The following ENG variants were observed in gnomAD, a reference collection of about 807,000 sequenced individuals.
The protein encoded by ENG is CD105 antigen.
ENG carries 17 observed loss-of-function variants against 71.0 expected under a neutral mutation model. The ratio of observed to expected loss-of-function variants is 0.24; its 90% CI spans 0.16 to 0.36. The LOEUF (loss-of-function observed/expected upper bound fraction) is 0.36. Ranked by LOEUF, ENG falls within the 10% of genes least tolerant of loss-of-function variation. The probability of loss-of-function intolerance (pLI) is 1.00; values close to 1 mark genes in which losing one functional copy is unlikely to be tolerated. For synonymous variants in ENG, 360 were observed against 366.9 expected, an observed-to-expected ratio of 0.98 and a Z score of 0.21; for missense variants, 749 against 868.3, an observed-to-expected ratio of 0.86 and a Z score of 1.73.
At chr9:127,822,392 A>G (rs1057495911) in intron 8 of ENG, 2 of 152,248 alleles carry the variant, frequency 1.3e-5, no homozygotes, top group African/African-American at 2.4e-5. Flanking sequence ...TGAAAATTCA[A>G]ATCATCTTTG....
chr9:127,836,134 G>A lies in ENG; in HGVS notation c.220-6307C>T, dbSNP rs532509104. ...CGCCACGGCCACTCACACGCACACC[G>A]ACTTCCCCCTTCTCTCCCGGCCGGG... is the stretch of plus-strand genomic sequence containing the variant. On this transcript the variant is annotated intron_variant, in intron 2 of 14. Transcript: ENST00000373203. This position sits in a 1 kb window ranked among gnomAD's most constrained non-coding sequence, Gnocchi z 4.0. Among the ~76,000 whole-genome samples the A allele has an allele frequency of 4.6e-5, 7 of 152,294 alleles. No homozygotes were observed. The highest frequency in any genetic ancestry group is 1.7e-4 in the African/African-American group (7 of 41,556).
In ENG at chr9:127,819,852, G is replaced by A. The variant is rs137943200; in HGVS notation, c.1272+48C>T. 89 of 1,614,000 alleles carry A rather than the reference G, an allele frequency of 5.5e-5. No homozygotes were observed. The East Asian group carries it at 1.9e-3, about 35-fold the overall frequency. The stretch of plus-strand genomic sequence containing the variant: ...GGGGGATCAGGGAGGGCACCTGAGG[G>A]GGCACCAACCAGGCTGGTCCTGATA... On this transcript the variant is annotated intron_variant, in intron 9 of 14. Coordinates refer to ENST00000373203, the MANE Select transcript of ENG (RefSeq NM_001114753.3).
At chr9:127,847,545 C>T (rs776186182) in intron 1 of ENG, among the ~76,000 whole-genome samples, 9 of 152,160 alleles carry the variant, frequency 5.9e-5, no homozygotes, top group Non-Finnish European at 1.0e-4. Context: ...ATAACCTCCC[C>T]GTCCCAGGTT....
chr9:127,824,676 GA>G, intron 7 of ENG, 123 bp downstream of exon 7: 1 of 1,222,276 alleles, frequency 8.2e-7, no homozygotes. Flanking sequence ...GTGCAGATGA[GA>G]AAAATGAGGC....
intron 13 of ENG, chr9:127,816,914 C>T (rs1830333762): frequency 1.7e-5 from 10 of 594,894 alleles, no homozygotes; most frequent in Non-Finnish European, 3.0e-5. Flanking sequence ...GGCCTAGACT[C>T]CCACCCCACA....
chr9:127,824,496 G>A (rs1351839300), intron 7 of ENG, 50 bp from the exon 8 acceptor site: 2 of 1,478,042 alleles, frequency 1.4e-6, no homozygotes, highest in Admixed American at 1.8e-5. Flanking sequence ...TGTGATCACT[G>A]TGTGCCCGCA....
chr9:127,819,780 G>C, intron 9 of ENG, 120 bp from the exon 10 acceptor site: 1 of 1,603,742 alleles, frequency 6.2e-7, no homozygotes, highest in Non-Finnish European at 8.5e-7. Flanking sequence ...AGCTTGTCTT[G>C]TGTTCTGAGC....
chr9:127,819,831 G>T, intron 9 of ENG, 69 bp downstream of exon 9: 2 of 1,612,338 alleles, frequency 1.2e-6, no homozygotes, highest in Non-Finnish European at 1.7e-6. Flanking sequence ...CACCCTGGGG[G>T]ATCAGGGAGG....
Position 127,815,716 on chromosome 9 carries a change from T to C in ENG, c.1943A>G (p.Gln648Arg). 1 of 1,562,398 alleles carries C rather than the reference T, an allele frequency of 6.4e-7. No homozygotes were observed. The highest frequency in any genetic ancestry group is 8.6e-7 in the Non-Finnish European group (1 of 1,159,568). Residue 648 changes from glutamine (Q) to arginine (R), a missense_variant, in exon 15 of 15, where the codon CAG (glutamine) becomes CGG (arginine). Coordinates refer to ENST00000373203, the MANE Select transcript of ENG (RefSeq NM_001114753.3). ...SSTNHSIGST[Q>R]STPCSTSSMA ...GCTGCTGGTGGAGCAGGGGGTGCTC[T>C]GGGTGCTCCCGATGCTGTGGTTGGT...
At position 127,820,008 on chromosome 9, in the gene ENG, G is replaced by A. The variant is rs759227587; in HGVS notation, c.1164C>T (p.Thr388=). The A allele has an allele frequency of 6.2e-7, 1 of 1,614,126 alleles. No individual in the cohort carries two copies. Among genetic ancestry groups the A allele is most frequent in the African/African-American group, 1.3e-5 (1 of 75,048 alleles). The stretch of plus-strand genomic sequence containing the variant: ...CTGCCTCACAGCTGGGGTCCCAGAA[G>A]GTCAGGCCCGTGATGGTGCACTTCA... ...AHLKCTITGL[T]FWDPSCEAED... is the part of the protein sequence containing the mutation. The change falls in exon 9 of 15, where the codon ACC becomes ACT. Residue 388 remains threonine, a synonymous_variant. Transcript: ENST00000373203.
At chr9:127,817,296 C>T (rs1044760384) in intron 12 of ENG, 93 bp from the exon 13 acceptor site, 2 of 1,347,198 alleles carry the variant, frequency 1.5e-6, no homozygotes, top group Non-Finnish European at 2.1e-6. Flanking sequence ...ACCCTAGAGC[C>T]TTGGCTTTGA....
intron 2 of ENG, among the ~76,000 whole-genome samples, chr9:127,833,746 T>G (rs1830826791): frequency 1.3e-5 from 2 of 152,120 alleles, no homozygotes; most frequent in African/African-American, 4.8e-5. Flanking sequence ...AGATTTAACT[T>G]TTAATCATCT....
chr9:127,818,564 ATGCCTTCTC>A (rs1024604850), intron 11 of ENG, 143 bp downstream of exon 11: 21 of 1,368,038 alleles, frequency 1.5e-5, no homozygotes, highest in Non-Finnish European at 2.0e-5. Context: ...TCCCTGAGCA[ATGCCTTCTC>A]TGTCTCTCCC....
intron 2 of ENG, among the ~76,000 whole-genome samples, chr9:127,833,793 A>T (rs1002363303): frequency 2.0e-5 from 3 of 152,222 alleles, no homozygotes; most frequent in African/African-American, 7.2e-5. Context: ...AGCCAGAGAC[A>T]GTGTTTCAGC....
At chr9:127,839,112 C>T (rs1002170773) in intron 2 of ENG, among the ~76,000 whole-genome samples, 1 of 152,170 alleles carries the variant, frequency 6.6e-6, no homozygotes, top group Non-Finnish European at 1.5e-5. Context: ...TTGGGCTAGA[C>T]ACCAGGGGCC....
At position 127,821,922 on chromosome 9, in the gene ENG, C is replaced by T. The variant is rs373810691; in HGVS notation, c.1135-1885G>A. On this transcript the variant is annotated intron_variant, in intron 8 of 14. Coordinates refer to ENST00000373203, the MANE Select transcript of ENG (RefSeq NM_001114753.3). ...AAAAAAAGCCAGGCGTGGTGGTGCA[C>T]GCCTGTATTCCCAACTACTCAGGAG... is the stretch of plus-strand genomic sequence containing the variant. Among the ~76,000 whole-genome samples, 1,290 of 146,912 alleles carry T rather than the reference C, an allele frequency of 8.8e-3. 7 individuals are homozygous for T. The highest frequency in any genetic ancestry group is 0.015 in the Non-Finnish European group (985 of 67,172).
chr9:127,826,722 C>T (rs1273685808), intron 3 of ENG, 50 bp from the exon 4 acceptor site: 2 of 1,608,002 alleles, frequency 1.2e-6, no homozygotes, highest in African/African-American at 1.3e-5. Context: ...CCTGTGCCCT[C>T]TCTATCCCAT....
chr9:127,845,121 T>G (rs1392111723), intron 1 of ENG, among the ~76,000 whole-genome samples: 3 of 152,194 alleles, frequency 2.0e-5, no homozygotes, highest in Admixed American at 2.0e-4. Context: ...GTTTGGAAGT[T>G]TGTGTCTCCA....
intron 9 of ENG, 32 bp downstream of exon 9, chr9:127,819,868 G>A: frequency 1.9e-6 from 3 of 1,614,140 alleles, no homozygotes; most frequent in South Asian, 2.2e-5. Flanking sequence ...CAACCAGGCT[G>A]GTCCTGATAC....
Sources: allele counts gnomAD v4.1 joint callset (sites outside exome capture counted in the v4.1 genomes callset), GRCh38; gene constraint gnomAD v4.1.1; non-coding constraint Gnocchi (gnomAD v3.1); transcripts MANE v1.5; gene names NCBI Gene and HGNC (gene_info 2026-07-23, HGNC 2026-07-21).